Variants in DGKI observed in about 807,000 individuals in gnomAD.
The protein encoded by DGKI is diacylglycerol kinase iota.
In DGKI, 55 loss-of-function variants were observed where a neutral mutation model predicts 147.5. The observed-to-expected ratio is 0.37, with a 90% CI of 0.30 to 0.47. The LOEUF (loss-of-function observed/expected upper bound fraction) is 0.47, where lower values mean the gene tolerates loss of function less well. Among genes scored for constraint, DGKI ranks in the 20% least tolerant of loss-of-function variants. DGKI has a pLI of 1.00. For missense variants in DGKI, 1,007 were observed against 1,323.8 expected (o/e 0.76, Z 3.71); for synonymous variants, 469 against 477.1 (o/e 0.98, Z 0.22).
At position 137,643,407 on chromosome 7, in the gene DGKI, T is replaced by C. The variant is rs528117000; in HGVS notation, c.804+2065A>G. On this transcript the variant is annotated intron_variant, in intron 6 of 32. Transcript: ENST00000614521. ...GAGTGAATTTTCATTACTTAATCTG[T>C]AAATGGAAATAGAGCCATAGCTTTC... Among the ~76,000 whole-genome samples the C allele has an allele frequency of 6.6e-5, 10 of 151,740 alleles. No individual in the cohort carries two copies. The East Asian group carries it at 1.9e-3, about 29-fold the overall frequency.
chr7:137,581,761 G>T, intron 15 of DGKI, 89 bp downstream of exon 15: 2 of 1,099,612 alleles, frequency 1.8e-6, no homozygotes, highest in Non-Finnish European at 2.8e-6. Flanking sequence ...CACTGTAAAC[G>T]CGTAAGTGAT....
intron 28 of DGKI, among the ~76,000 whole-genome samples, chr7:137,421,531 A>G (rs543911187): frequency 6.6e-6 from 1 of 152,286 alleles, no homozygotes; most frequent in African/African-American, 2.4e-5. Context: ...GAAAACCTCT[A>G]CCTTGCTGCC....
chr7:137,583,813 A>G lies in DGKI; in HGVS notation c.1563+1396T>C, dbSNP rs540021561. 8.5e-5 allele frequency among the ~76,000 whole-genome samples: 13 copies of G among 152,284 alleles called. No homozygotes were observed. In the South Asian group the frequency reaches 2.7e-3, roughly 32 times the overall value. ...ATTTCTATAAGTCAAACACATTAAAAAAAAGCTTCGTATCTCAAGATGACA... is the reference window on the plus strand; with the variant it reads ...ATTTCTATAAGTCAAACACATTAAAGAAAAGCTTCGTATCTCAAGATGACA... On this transcript the variant is annotated intron_variant, in intron 14 of 32. Coordinates refer to ENST00000614521, the MANE Select transcript of DGKI (RefSeq NM_001321708.2).
intron 23 of DGKI, among the ~76,000 whole-genome samples, chr7:137,470,045 G>A (rs926035745): frequency 3.3e-5 from 5 of 152,176 alleles, no homozygotes; most frequent in Admixed American, 6.5e-5. Flanking sequence ...CATACGGTAC[G>A]TGAGAAAAAG....
chr7:137,815,995 C>T (rs543495472), intron 1 of DGKI, among the ~76,000 whole-genome samples: 12 of 152,312 alleles, frequency 7.9e-5, no homozygotes, highest in African/African-American at 2.6e-4. Context: ...TTTCAGTTCC[C>T]ATTACAAATT....
intron 1 of DGKI, among the ~76,000 whole-genome samples, chr7:137,789,326 T>C (rs1202533468): frequency 6.6e-6 from 1 of 151,904 alleles, no homozygotes; most frequent in Non-Finnish European, 1.5e-5. Flanking sequence ...AAAATAAAAA[T>C]AAAAAGACTA....
At chr7:137,416,918 T>C (rs1812382454) in intron 28 of DGKI, among the ~76,000 whole-genome samples, 1 of 152,162 alleles carries the variant, frequency 6.6e-6, no homozygotes, top group Admixed American at 6.5e-5. Context: ...AGTCAAGCAA[T>C]ACACCCAAGG....
At chr7:137,559,510 A>C (rs1465992045) in intron 19 of DGKI, among the ~76,000 whole-genome samples, 1 of 152,158 alleles carries the variant, frequency 6.6e-6, no homozygotes, top group African/African-American at 2.4e-5. Context: ...AAAGAACTGC[A>C]TTTGAAAAAC....
chr7:137,786,008 C>G (rs1417545642), intron 1 of DGKI, among the ~76,000 whole-genome samples: 1 of 152,106 alleles, frequency 6.6e-6, no homozygotes, highest in Non-Finnish European at 1.5e-5. Context: ...AACCCACCAC[C>G]TACATTATGC....
At chr7:137,768,952 T>C (rs529930769) in intron 1 of DGKI, among the ~76,000 whole-genome samples, 2 of 152,236 alleles carry the variant, frequency 1.3e-5, no homozygotes, top group East Asian at 3.9e-4. Context: ...CACGTTGTAA[T>C]AGTCATTGTC....
At chr7:137,620,056 C>T (rs1487785087) in intron 7 of DGKI, 116 bp from the exon 8 acceptor site, 7 of 728,606 alleles carry the variant, frequency 9.6e-6, no homozygotes, top group Non-Finnish European at 1.7e-5. Flanking sequence ...CACACACACT[C>T]ATTACATGCA....
rs538758369 is a variant in DGKI, at chr7:137,420,439, G to A, written c.2762-8232C>T. Among the ~76,000 whole-genome samples, 6 of 152,306 alleles carry A rather than the reference G, an allele frequency of 3.9e-5. No individual in the cohort carries two copies. In the East Asian group the frequency reaches 9.6e-4, roughly 24 times the overall value. ...ATATACTTGAATTGTGATGTGCTTT[G>A]AGTCGGAGGGCTGGTGTTGACTTGT... is the stretch of plus-strand genomic sequence containing the variant. On this transcript the variant is annotated intron_variant, in intron 28 of 32. Coordinates refer to ENST00000614521, the MANE Select transcript of DGKI (RefSeq NM_001321708.2).
chr7:137,438,880 TAC>T (rs771199946), intron 28 of DGKI, among the ~76,000 whole-genome samples: 159 of 152,264 alleles, frequency 1.0e-3, no homozygotes, highest in African/African-American at 3.5e-3. Context: ...TAAAACTATG[TAC>T]ACACACACAT....
chr7:137,843,867 A>G (rs745752987), intron 1 of DGKI, among the ~76,000 whole-genome samples: 39 of 151,920 alleles, frequency 2.6e-4, no homozygotes, highest in Non-Finnish European at 3.8e-4. Context: ...TCTTCAAAAG[A>G]TATTTTTTGC....
At chr7:137,532,077 T>C (rs565230429) in intron 20 of DGKI, among the ~76,000 whole-genome samples, 1 of 150,698 alleles carries the variant, frequency 6.6e-6, no homozygotes, top group Non-Finnish European at 1.5e-5. Flanking sequence ...AATAAAAATA[T>C]CAAAAAAAAC....
intron 28 of DGKI, among the ~76,000 whole-genome samples, chr7:137,439,950 C>T (rs917256336): frequency 5.3e-5 from 8 of 152,132 alleles, no homozygotes; most frequent in Non-Finnish European, 8.8e-5. Flanking sequence ...AATGAACAGA[C>T]ATTAGTTGGA....
chr7:137,802,405 T>C (rs1797242369), intron 1 of DGKI, among the ~76,000 whole-genome samples: 1 of 152,234 alleles, frequency 6.6e-6, no homozygotes, highest in Non-Finnish European at 1.5e-5. Flanking sequence ...AATATCTTTC[T>C]GGGAATTATT....
At chr7:137,546,916 G>A (rs1427223795) in intron 20 of DGKI, among the ~76,000 whole-genome samples, 1 of 152,180 alleles carries the variant, frequency 6.6e-6, no homozygotes, top group African/African-American at 2.4e-5. Context: ...CAGCAGCCTA[G>A]GATGATGGAA....
intron 1 of DGKI, among the ~76,000 whole-genome samples, chr7:137,756,518 T>C (rs1246497440): frequency 6.6e-6 from 1 of 152,132 alleles, no homozygotes; most frequent in Non-Finnish European, 1.5e-5. Context: ...CAAAATCCAA[T>C]TAAGGAATTC....
Sources: allele counts gnomAD v4.1 joint callset (sites outside exome capture counted in the v4.1 genomes callset), GRCh38; gene constraint gnomAD v4.1.1; transcripts MANE v1.5; gene names NCBI Gene and HGNC (gene_info 2026-07-23, HGNC 2026-07-21).